Variants in MAP2K5 observed in about 807,000 individuals in gnomAD.
MAP2K5 encodes the protein dual specificity mitogen-activated protein kinase kinase 5.
MAP2K5 carries 49 observed loss-of-function variants against 83.1 expected under a neutral mutation model. The ratio of observed to expected loss-of-function variants is 0.59; its 90% CI spans 0.47 to 0.75. The LOEUF is 0.75. Ranked by LOEUF, MAP2K5 falls within the 30% of genes least tolerant of loss-of-function variation. The probability of loss-of-function intolerance (pLI) is 0.00; values close to 1 mark genes in which losing one functional copy is unlikely to be tolerated. For missense variants in MAP2K5, 457 were observed against 557.5 expected (o/e 0.82, Z 1.82); for synonymous variants, 202 against 191.8 (o/e 1.05, Z -0.44).
chr15:67,625,189 A>C (rs187103325), intron 8 of MAP2K5, among the ~76,000 whole-genome samples: 28 of 152,358 alleles, frequency 1.8e-4, no homozygotes, highest in Non-Finnish European at 3.4e-4. Flanking sequence ...GTTACAAATG[A>C]AATAAGAAAG....
In MAP2K5 at chr15:67,580,832, G is replaced by GATT; in HGVS notation, c.322+10_322+11insTTA. 1 of 1,573,518 alleles carries GATT rather than the reference G, an allele frequency of 6.4e-7. No homozygotes were observed. ...GCAGATATTTCCAAGAGGTAATGTTGAGCAAATTCTAATCAACAATGATTA... is the reference window on the plus strand; with the variant it reads ...GCAGATATTTCCAAGAGGTAATGTTGATTAGCAAATTCTAATCAACAATGATTA... On this transcript the variant is annotated intron_variant, in intron 4 of 21. Coordinates refer to ENST00000178640, the MANE Select transcript of MAP2K5 (RefSeq NM_145160.3).
intron 12 of MAP2K5, among the ~76,000 whole-genome samples, chr15:67,662,595 C>T (rs1320945893): frequency 3.9e-5 from 6 of 152,058 alleles, no homozygotes; most frequent in African/African-American, 1.2e-4. Context: ...AAAACATGTA[C>T]ATTTCCTTTT....
chr15:67,681,817 A>G (rs980491091), intron 13 of MAP2K5, among the ~76,000 whole-genome samples: 4 of 152,198 alleles, frequency 2.6e-5, no homozygotes, highest in South Asian at 2.1e-4. Context: ...TCTTTGAGAA[A>G]ATGTCTCAGT....
rs1414936626 is a variant in MAP2K5 at position 67,700,068 on chromosome 15, C to G, written c.973-3269C>G. Among the ~76,000 whole-genome samples, 4 of 152,004 alleles carry G rather than the reference C, an allele frequency of 2.6e-5. No individual in the cohort carries two copies. In the East Asian group the frequency reaches 5.8e-4, roughly 22 times the overall value. ...CCTACTTTGTTAATTTTCTAGGTAG[C>G]CTGAGTCTGAACAGAAATTCCTTTT... is the stretch of plus-strand genomic sequence containing the variant. On this transcript the variant is annotated intron_variant, in intron 15 of 21. Transcript: ENST00000178640.
chr15:67,624,693 A>T (rs2086274588), intron 8 of MAP2K5, among the ~76,000 whole-genome samples: 1 of 151,194 alleles, frequency 6.6e-6, no homozygotes, highest in African/African-American at 2.4e-5. Context: ...GCAGTGGTGC[A>T]ATCTCAGCTC....
rs948892147 is a variant in MAP2K5, at chr15:67,563,511, GC to G, written c.252+162del. 2.6e-5 allele frequency among the ~76,000 whole-genome samples: 4 copies of G among 152,006 alleles called. No individual in the cohort carries two copies. The highest frequency in any genetic ancestry group is 2.0e-4 in the Admixed American group (3 of 15,258). ...GGATTTCCGTATGTGAAAGTTAAGG[GC>G]ATTATTTTCAAAAGACACTTACTGA... On this transcript the variant is annotated intron_variant, in intron 3 of 21. Transcript: ENST00000178640. The surrounding 1 kb of genome is among the most constrained non-coding windows in gnomAD (Gnocchi z 4.5).
At chr15:67,558,623 T>C (rs565067804) in intron 2 of MAP2K5, among the ~76,000 whole-genome samples, 5 of 152,352 alleles carry the variant, frequency 3.3e-5, no homozygotes, top group Non-Finnish European at 7.3e-5. Flanking sequence ...CCTCAACCTG[T>C]CCCACCATTG....
chr15:67,693,593 T>G (rs8034680), intron 15 of MAP2K5, 25 bp downstream of exon 15: 2 of 1,574,182 alleles, frequency 1.3e-6, no homozygotes, highest in Admixed American at 3.3e-5. Flanking sequence ...GCAAAAATAA[T>G]GTTTAAAACC....
chr15:67,800,710 C>A (rs1034926653), intron 21 of MAP2K5, among the ~76,000 whole-genome samples: 1 of 152,144 alleles, frequency 6.6e-6, no homozygotes, highest in Non-Finnish European at 1.5e-5. Flanking sequence ...CACACTGTAT[C>A]CCCCACCCCG....
chr15:67,715,297 G>A (rs1297496094), intron 16 of MAP2K5, among the ~76,000 whole-genome samples: 2 of 152,024 alleles, frequency 1.3e-5, no homozygotes, highest in African/African-American at 4.8e-5. Flanking sequence ...ATGACCTTTG[G>A]CAGATGATGG....
intron 9 of MAP2K5, chr15:67,641,387 G>A (rs2086707714): frequency 3.7e-6 from 2 of 536,038 alleles, no homozygotes; most frequent in Non-Finnish European, 2.5e-6. Flanking sequence ...TTAAATAAGT[G>A]AATTAAAACA....
Position 67,708,493 on chromosome 15 carries a change from C to T in MAP2K5, c.1044+5085C>T, listed in dbSNP as rs2088613247. Among the ~76,000 whole-genome samples the T allele has an allele frequency of 6.6e-6, 1 of 152,108 alleles. No individual in the cohort carries two copies. Reference sequence around the variant, plus strand: ...TGTCAGACTTGAAGCCTGCCCCCTGCCTCCCACTTTTTTTTTCTAGAGACG... The same window carrying T: ...TGTCAGACTTGAAGCCTGCCCCCTGTCTCCCACTTTTTTTTTCTAGAGACG... On this transcript the variant is annotated intron_variant, in intron 16 of 21. Transcript: ENST00000178640. The surrounding 1 kb of genome is among the most constrained non-coding windows in gnomAD (Gnocchi z 4.9).
chr15:67,648,107 AGT>A (rs1316262378), intron 11 of MAP2K5, among the ~76,000 whole-genome samples: 1 of 152,180 alleles, frequency 6.6e-6, no homozygotes, highest in African/African-American at 2.4e-5. Context: ...ACCCTTTAAA[AGT>A]GTACAATTCC....
At position 67,748,570 on chromosome 15, in the gene MAP2K5, C is replaced by G; in HGVS notation, c.1103C>G (p.Pro368Arg). 1.2e-6 allele frequency: 2 copies of G among 1,613,904 alleles called. No individual in the cohort carries two copies. Among genetic ancestry groups the G allele is most frequent in the Non-Finnish European group, 1.7e-6 (2 of 1,179,822 alleles). The change falls in exon 19 of 22, where the codon CCT becomes CGT. Residue 368 changes from proline (P) to arginine (R), a missense_variant and splice_region_variant. Pro to Arg is a moderately radical substitution (Grantham distance 103). Transcript: ENST00000178640. The surrounding 1 kb of genome is among the most constrained non-coding windows in gnomAD (Gnocchi z 4.0). Reference protein sequence around the residue: ...QIQKNQGSLMPLQLLQCIVDE... With the variant: ...QIQKNQGSLMRLQLLQCIVDE... ...TTCCTCTCTTCTTTTCCATTGCAGC[C>G]TCTCCAGCTTCTGCAGTGCATTGTT...
intron 13 of MAP2K5, among the ~76,000 whole-genome samples, chr15:67,670,220 A>G (rs1408683559): frequency 6.6e-6 from 1 of 152,170 alleles, no homozygotes. Context: ...CACTTATATG[A>G]CATTCTGGAA....
intron 2 of MAP2K5, among the ~76,000 whole-genome samples, chr15:67,551,531 C>T (rs1391222236): frequency 7.9e-5 from 12 of 152,062 alleles, no homozygotes; most frequent in Non-Finnish European, 1.5e-4. Context: ...TGGGGTCTTG[C>T]TATGTTGTCC....
Position 67,804,734 on chromosome 15 carries a change from C to T in MAP2K5, c.1243-1912C>T, listed in dbSNP as rs111595810. On this transcript the variant is annotated intron_variant, in intron 21 of 21. Transcript: ENST00000178640. ...TACCCCGGGCGTGGGGGGAGGGGCC[C>T]GTCACTCGTGAGCACAGCTTCTCCC... Among the ~76,000 whole-genome samples, 286 of 152,300 alleles carry T rather than the reference C, an allele frequency of 1.9e-3. 1 individual carries two copies. The highest frequency in any genetic ancestry group is 7.0e-3 in the South Asian group (34 of 4,824).
chr15:67,609,889 G>T (rs1222319127), intron 8 of MAP2K5, among the ~76,000 whole-genome samples: 1 of 152,088 alleles, frequency 6.6e-6, no homozygotes. Flanking sequence ...AGATAGGCAT[G>T]AACTTGTGTA....
At chr15:67,549,072 C>T in intron 1 of MAP2K5, 1 of 1,528,258 alleles carries the variant, frequency 6.5e-7, no homozygotes, top group Non-Finnish European at 8.7e-7. Flanking sequence ...CTGCGAGCGG[C>T]TTTGTCAGCC....
Sources: allele counts gnomAD v4.1 joint callset (sites outside exome capture counted in the v4.1 genomes callset), GRCh38; gene constraint gnomAD v4.1.1; non-coding constraint Gnocchi (gnomAD v3.1); transcripts MANE v1.5; gene names NCBI Gene and HGNC (gene_info 2026-07-23, HGNC 2026-07-21).